Variants in STPG3 observed in about 807,000 individuals in gnomAD.
STPG3 encodes sperm-tail PG-rich repeat containing 3.
Under a neutral mutation model 32.5 loss-of-function variants are expected in STPG3, and 39 were observed. That is an observed-to-expected ratio of 1.20 (90% CI 0.93 to 1.57). STPG3 has a LOEUF of 1.57. STPG3 is among the 40% of genes most tolerant of loss of function. The pLI, the probability that STPG3 is intolerant of heterozygous loss-of-function variation, is 0.00. For missense variants in STPG3, 507 were observed against 407.6 expected, an observed-to-expected ratio of 1.24 and a Z score of -2.10; for synonymous variants, 209 against 172.4, an observed-to-expected ratio of 1.21 and a Z score of -1.66.
rs574552044 is a variant in STPG3 at position 137,252,107 on chromosome 9, C to T, written c.375C>T (p.Tyr125=). ...SVRESSPHPH[Y]SIGCKHQGRE... ...GAGAGTCCTCCCCACACCCCCACTA[C>T]AGCATCGGCTGCAAGCACCAGGGCC... The change falls in exon 3 of 6, where the codon TAC becomes TAT. Residue 125 remains tyrosine, a synonymous_variant. Coordinates refer to ENST00000412566, the MANE Select transcript of STPG3 (RefSeq NM_001004353.4). 3.7e-6 allele frequency: 6 copies of T among 1,612,100 alleles called. No individual in the cohort carries two copies. The Admixed American group carries it at 5.0e-5, about 13-fold the overall frequency.
chr9:137,252,119 C>T lies in STPG3; in HGVS notation c.387C>T (p.Cys129=), dbSNP rs766253964. The T allele has an allele frequency of 1.2e-6, 2 of 1,611,160 alleles. No individual in the cohort carries two copies. Among genetic ancestry groups the T allele is most frequent in the Admixed American group, 1.7e-5 (1 of 59,928 alleles). ...CACACCCCCACTACAGCATCGGCTG[C>T]AAGCACCAGGGCCGAGGTGTGTGTC... is the stretch of plus-strand genomic sequence containing the variant. ...SSPHPHYSIG[C]KHQGREGGGR... Residue 129 remains cysteine, a synonymous_variant, in exon 3 of 6, where the codon TGC becomes TGT. Coordinates refer to ENST00000412566, the MANE Select transcript of STPG3 (RefSeq NM_001004353.4).
Position 137,251,854 on chromosome 9 carries a change from A to G in STPG3, c.227A>G (p.Gln76Arg). The change falls in exon 2 of 6, where the codon CAG becomes CGG. Residue 76 changes from glutamine (Q) to arginine (R), a missense_variant. Transcript: ENST00000412566. ...CTCAGGTTACAGACGGGCACCCCCC[A>G]GGAGTCCCTGCCCACCTACACCCAG... Reference protein sequence around the residue: ...VGLRLQTGTPQESLPTYTQTL... With the variant: ...VGLRLQTGTPRESLPTYTQTL... The G allele has an allele frequency of 6.2e-7, 1 of 1,608,284 alleles. No homozygotes were observed. The highest frequency in any genetic ancestry group is 8.5e-7 in the Non-Finnish European group (1 of 1,177,454).
Position 137,252,018 on chromosome 9 carries a change from CT to C in STPG3, c.287del (p.Leu96ArgfsTer105), listed in dbSNP as rs760153294. 19 of 1,612,102 alleles carry C rather than the reference CT, an allele frequency of 1.2e-5. No individual in the cohort carries two copies. The highest frequency in any genetic ancestry group is 1.6e-5 in the Non-Finnish European group (19 of 1,179,510). On this transcript the variant is annotated frameshift_variant, in exon 3 of 6. Transcript: ENST00000412566. LOFTEE classifies it high-confidence loss of function. ...GTGGCCAGTGCTGGAGCAACGCCCC[CT>C]GATCACAGCTGACCTGGAAGTCCCC... ...LRELLLEQRP[L>X]ITADLEVPSP...
Position 137,252,107 on chromosome 9 carries a change from C to G in STPG3, c.375C>G (p.Tyr125Ter). The G allele has an allele frequency of 6.2e-7, 1 of 1,612,100 alleles. No individual in the cohort carries two copies. Among genetic ancestry groups the G allele is most frequent in the Non-Finnish European group, 8.5e-7 (1 of 1,179,692 alleles). The change falls in exon 3 of 6, where the codon TAC becomes TAG. Residue 125 changes from tyrosine to a stop codon, truncating the protein, a stop_gained. Coordinates refer to ENST00000412566, the MANE Select transcript of STPG3 (RefSeq NM_001004353.4). LOFTEE classifies it high-confidence loss of function. ...SVRESSPHPH[Y>*]SIGCKHQGRE... ...GAGAGTCCTCCCCACACCCCCACTACAGCATCGGCTGCAAGCACCAGGGCC... is the reference window on the plus strand; with the variant it reads ...GAGAGTCCTCCCCACACCCCCACTAGAGCATCGGCTGCAAGCACCAGGGCC...
Position 137,252,804 on chromosome 9 carries a change from T to C in STPG3, c.635T>C (p.Val212Ala), listed in dbSNP as rs749541301. The change falls in exon 5 of 6, where the codon GTG becomes GCG. Residue 212 changes from valine (V) to alanine (A), a missense_variant. Transcript: ENST00000412566. ...GGGGCTAGGGGGCTGGGCCTCAGGG[T>C]GCAGCCCCAGTCCCTGCTTCAGGCC... ...LPGARGLGLRVQPQSLLQASL... is the reference protein window; with the variant it reads ...LPGARGLGLRAQPQSLLQASL... The C allele has an allele frequency of 8.3e-6, 13 of 1,564,346 alleles. No homozygotes were observed. In the Admixed American group the frequency reaches 2.4e-4, roughly 29 times the overall value.
In STPG3 at chr9:137,252,960, G is replaced by C; in HGVS notation, c.791G>C (p.Ser264Thr). ...TCCCCTGCGTTCACCTCCTGGCTCA[G>C]CACCTGTAAGGAGGCCTGGAGAGAA... ...SRSPAFTSWL[S>T]TSRTPGPAAY... The change falls in exon 5 of 6, where the codon AGC becomes ACC. Residue 264 changes from serine (S) to threonine (T), a missense_variant. Coordinates refer to ENST00000412566, the MANE Select transcript of STPG3 (RefSeq NM_001004353.4). 3.1e-6 allele frequency: 5 copies of C among 1,596,542 alleles called. No homozygotes were observed. The highest frequency in any genetic ancestry group is 4.3e-6 in the Non-Finnish European group (5 of 1,171,824).
In STPG3 at chr9:137,253,304, G is replaced by C. The variant is rs766629265; in HGVS notation, c.*59G>C. On this transcript the variant is annotated 3_prime_UTR_variant, in exon 6 of 6. Transcript: ENST00000412566. ...CCGAGTGGAACCATGGCCTCCCCCG[G>C]GGCTTTCCCAGGCCTCCCCTGGGAC... is the stretch of plus-strand genomic sequence containing the variant. 6.8e-5 allele frequency: 107 copies of C among 1,563,218 alleles called. No homozygotes were observed. Among genetic ancestry groups the C allele is most frequent in the Non-Finnish European group, 7.2e-5 (83 of 1,154,988 alleles).
chr9:137,252,327 T>A (rs570432346), intron 3 of STPG3, 110 bp from the exon 4 acceptor site: 2 of 1,348,914 alleles, frequency 1.5e-6, no homozygotes, highest in Admixed American at 2.0e-5. Context: ...GTGGACATTG[T>A]GAAGACAAGG....
In STPG3 at chr9:137,253,427, C is replaced by G; in HGVS notation, c.*182C>G. On this transcript the variant is annotated 3_prime_UTR_variant, in exon 6 of 6. Coordinates refer to ENST00000412566, the MANE Select transcript of STPG3 (RefSeq NM_001004353.4). ...GGGCTGTGGACAAGGCTGGCCCAGCCTGGATCCCCCATCTGCCCATCTCCC... is the reference window on the plus strand; with the variant it reads ...GGGCTGTGGACAAGGCTGGCCCAGCGTGGATCCCCCATCTGCCCATCTCCC... 1.4e-6 allele frequency: 2 copies of G among 1,444,448 alleles called. No individual in the cohort carries two copies. Among genetic ancestry groups the G allele is most frequent in the Non-Finnish European group, 1.8e-6 (2 of 1,101,214 alleles). The allele number at this position is 1,444,448 out of a possible 1,614,324, so 89.5% of individuals were successfully genotyped here. A position where few individuals can be genotyped will look rare whatever the true frequency, so the allele number is the denominator to read the frequency against.
chr9:137,251,401 C>A lies in STPG3; in HGVS notation c.110+5C>A. 1.2e-6 allele frequency: 2 copies of A among 1,604,076 alleles called. No homozygotes were observed. Among genetic ancestry groups the A allele is most frequent in the Non-Finnish European group, 1.7e-6 (2 of 1,172,328 alleles). On this transcript the variant is annotated splice_donor_5th_base_variant and intron_variant, in intron 1 of 5. Coordinates refer to ENST00000412566, the MANE Select transcript of STPG3 (RefSeq NM_001004353.4). ...GACACAACCAGAGCCCACCCAGTAA[C>A]TGGCGGAGAGGGGGAGAAGGGGCGG... is the stretch of plus-strand genomic sequence containing the variant.
chr9:137,252,258 C>T (rs1837374213), intron 3 of STPG3, 123 bp downstream of exon 3: 24 of 1,414,718 alleles, frequency 1.7e-5, no homozygotes, highest in African/African-American at 4.3e-5. Flanking sequence ...CTGCGTTCAC[C>T]TCTAGGCTCA....
In STPG3 at chr9:137,251,888, G is replaced by A. The variant is rs759039983; in HGVS notation, c.261G>A (p.Arg87=). The A allele has an allele frequency of 9.3e-5, 149 of 1,607,408 alleles. No individual in the cohort carries two copies. The highest frequency in any genetic ancestry group is 1.2e-4 in the Non-Finnish European group (142 of 1,177,182). Reference sequence around the variant, plus strand: ...TGCCCACCTACACCCAGACCCTGAGGGAACTATGTGAGTGAGGGTCCTGGC... The same window carrying A: ...TGCCCACCTACACCCAGACCCTGAGAGAACTATGTGAGTGAGGGTCCTGGC... ...ESLPTYTQTL[R]ELLLEQRPLI... Residue 87 remains arginine (R), a synonymous_variant, in exon 2 of 6, where the codon AGG becomes AGA. Transcript: ENST00000412566.
In STPG3 at chr9:137,252,950, T is replaced by G. The variant is rs1335927061; in HGVS notation, c.781T>G (p.Ser261Ala). Residue 261 changes from serine to alanine, a missense_variant, in exon 5 of 6, where the codon TCC (serine) becomes GCC (alanine). Physicochemically the swap from Ser to Ala is moderately conservative, Grantham distance 99. Coordinates refer to ENST00000412566, the MANE Select transcript of STPG3 (RefSeq NM_001004353.4). Reference sequence around the variant, plus strand: ...GATGAGCCGCTCCCCTGCGTTCACCTCCTGGCTCAGCACCTGTAAGGAGGC... The same window carrying G: ...GATGAGCCGCTCCCCTGCGTTCACCGCCTGGCTCAGCACCTGTAAGGAGGC... ...FSMSRSPAFT[S>A]WLSTSRTPGP... 2 of 1,598,438 alleles carry G rather than the reference T, an allele frequency of 1.3e-6. No individual in the cohort carries two copies. The highest frequency in any genetic ancestry group is 8.5e-7 in the Non-Finnish European group (1 of 1,173,126).
At chr9:137,251,424 C>T (rs199567175) in intron 1 of STPG3, 28 bp downstream of exon 1, 40 of 1,522,648 alleles carry the variant, frequency 2.6e-5, no homozygotes, top group African/African-American at 2.3e-4. Flanking sequence ...GGAGAAGGGG[C>T]GGGCCAGCTG....
rs550285104 is a variant in STPG3 at position 137,253,298 on chromosome 9, C to T, written c.*53C>T. The T allele has an allele frequency of 6.4e-7, 1 of 1,567,382 alleles. No homozygotes were observed. ...CGGCCACCGAGTGGAACCATGGCCT[C>T]CCCCGGGGCTTTCCCAGGCCTCCCC... is the stretch of plus-strand genomic sequence containing the variant. On this transcript the variant is annotated 3_prime_UTR_variant, in exon 6 of 6. Transcript: ENST00000412566.
chr9:137,252,726 G>A lies in STPG3; in HGVS notation c.557G>A (p.Gly186Asp). 6.4e-7 allele frequency: 1 copy of A among 1,554,700 alleles called. No individual in the cohort carries two copies. Among genetic ancestry groups the A allele is most frequent in the South Asian group, 1.2e-5 (1 of 84,416 alleles). Residue 186 changes from glycine to aspartate, a missense_variant, in exon 5 of 6, where the codon GGC (glycine) becomes GAC (aspartate). Gly to Asp is a moderately conservative substitution (Grantham distance 94). Transcript: ENST00000412566. ...RPAFPAFSFRGCHSASKTPEG... is the reference protein window; with the variant it reads ...RPAFPAFSFRDCHSASKTPEG... ...GCCTTCCCCGCCTTCAGCTTCAGAG[G>A]CTGCCACTCCGCTTCCAAGACACCT... is the stretch of plus-strand genomic sequence containing the variant.
rs200025543 is a variant in STPG3, at chr9:137,253,175, C to T, written c.857C>T (p.Ala286Val). The T allele has an allele frequency of 8.9e-5, 143 of 1,605,164 alleles. 2 individuals carry two copies. The East Asian group carries it at 2.6e-3, about 29-fold the overall frequency. The change falls in exon 6 of 6, where the codon GCG becomes GTG. Residue 286 changes from alanine (A) to valine (V), a missense_variant. Coordinates refer to ENST00000412566, the MANE Select transcript of STPG3 (RefSeq NM_001004353.4). The stretch of plus-strand genomic sequence containing the variant: ...GACTGCAACTCACGCTTCCCTTCGG[C>T]GCCTGGCGTGGTCATCCAGGGTGTA... Reference protein sequence around the residue: ...VEDCNSRFPSAPGVVIQGVRR... With the variant: ...VEDCNSRFPSVPGVVIQGVRR...
rs778312343 is a variant in STPG3, at chr9:137,253,263, C to A, written c.*18C>A. Reference sequence around the variant, plus strand: ...CGCTCTAGAGCCAGCTGGGCACAACCTGCTTGGCCCGGCCACCGAGTGGAA... The same window carrying A: ...CGCTCTAGAGCCAGCTGGGCACAACATGCTTGGCCCGGCCACCGAGTGGAA... On this transcript the variant is annotated 3_prime_UTR_variant, in exon 6 of 6. Coordinates refer to ENST00000412566, the MANE Select transcript of STPG3 (RefSeq NM_001004353.4). The A allele has an allele frequency of 1.3e-6, 2 of 1,597,490 alleles. No individual in the cohort carries two copies. The highest frequency in any genetic ancestry group is 2.7e-5 in the African/African-American group (2 of 74,580).
rs1837447150 is a variant in STPG3 at position 137,253,105 on chromosome 9, C to T, written c.797-10C>T. On this transcript the variant is annotated splice_polypyrimidine_tract_variant and intron_variant, in intron 5 of 5. Transcript: ENST00000412566. ...ACCTGGGTGGGGCTCCCAGCCTTCT[C>T]TTTCGGCAGCCCGAACCCCTGGCCC... 1 of 1,552,358 alleles carries T rather than the reference C, an allele frequency of 6.4e-7. No individual in the cohort carries two copies. The highest frequency in any genetic ancestry group is 8.7e-7 in the Non-Finnish European group (1 of 1,146,040).
Sources: allele counts gnomAD v4.1 joint callset, GRCh38; gene constraint gnomAD v4.1.1; transcripts MANE v1.5; gene names NCBI Gene and HGNC (gene_info 2026-07-23, HGNC 2026-07-21).